The following IGF1R variants were observed in gnomAD, a reference collection of about 807,000 sequenced individuals.
IGF1R encodes the protein insulin like growth factor 1 receptor.
IGF1R carries 44 observed loss-of-function variants against 144.6 expected under a neutral mutation model. The ratio of observed to expected loss-of-function variants is 0.30; its 90% confidence interval spans 0.24 to 0.39. The LOEUF (loss-of-function observed/expected upper bound fraction) is 0.39. Ranked by LOEUF, IGF1R falls within the 10% of genes least tolerant of loss-of-function variation. The pLI, the probability that IGF1R is intolerant of heterozygous loss-of-function variation, is 1.00. For missense variants in IGF1R, 1,355 were observed against 1,833.7 expected (o/e 0.74, Z 4.77); for synonymous variants, 795 against 722.8 (o/e 1.10, Z -1.60).
chr15:98,783,692 T>C (rs373574292), intron 2 of IGF1R, among the ~76,000 whole-genome samples: 129 of 152,330 alleles, frequency 8.5e-4, no homozygotes, highest in African/African-American at 3.0e-3. Flanking sequence ...ATACAACTTA[T>C]TGAACTCACT....
At chr15:98,708,494 ATG>A (rs1166359225) in intron 2 of IGF1R, among the ~76,000 whole-genome samples, 1 of 152,180 alleles carries the variant, frequency 6.6e-6, no homozygotes, top group Admixed American at 6.5e-5. Context: ...GGGGCTGCTT[ATG>A]TGTCAGCTCT....
At chr15:98,863,199 T>TG (rs1567166804) in intron 2 of IGF1R, among the ~76,000 whole-genome samples, 1 of 152,190 alleles carries the variant, frequency 6.6e-6, no homozygotes, top group Non-Finnish European at 1.5e-5. Flanking sequence ...TGATTAAATT[T>TG]GGGGGGTACA....
At chr15:98,868,200 A>C (rs879836397) in intron 2 of IGF1R, among the ~76,000 whole-genome samples, 1 of 151,934 alleles carries the variant, frequency 6.6e-6, no homozygotes, top group Non-Finnish European at 1.5e-5. Context: ...CCAAAAAAAA[A>C]TCAGAGCGTG....
At chr15:98,855,969 G>C (rs2011789485) in intron 2 of IGF1R, among the ~76,000 whole-genome samples, 4 of 152,238 alleles carry the variant, frequency 2.6e-5, no homozygotes, top group Admixed American at 2.6e-4. Context: ...GGCCGTAGAG[G>C]CTGCAACACG....
chr15:98,782,336 A>G (rs981101000), intron 2 of IGF1R, among the ~76,000 whole-genome samples: 1 of 152,186 alleles, frequency 6.6e-6, no homozygotes. Flanking sequence ...ATAGAAATCT[A>G]AATTTGTAAA....
intron 1 of IGF1R, among the ~76,000 whole-genome samples, chr15:98,670,964 T>G (rs187352566): frequency 5.7e-4 from 77 of 135,348 alleles, no homozygotes; most frequent in Non-Finnish European, 1.2e-3. Flanking sequence ...CTTAGGACTT[T>G]GGAATGAGAA....
At chr15:98,795,288 CTT>C (rs904855169) in intron 2 of IGF1R, among the ~76,000 whole-genome samples, 21 of 152,188 alleles carry the variant, frequency 1.4e-4, no homozygotes, top group African/African-American at 4.3e-4. Flanking sequence ...GCCGTCTAGA[CTT>C]AAATTAAATT....
At chr15:98,732,236 C>G (rs2054511386) in intron 2 of IGF1R, among the ~76,000 whole-genome samples, 1 of 152,146 alleles carries the variant, frequency 6.6e-6, no homozygotes, top group African/African-American at 2.4e-5. Flanking sequence ...CAGGGGAAGA[C>G]TTGCCTAGGA....
At chr15:98,721,492 G>A (rs543809454) in intron 2 of IGF1R, among the ~76,000 whole-genome samples, 127 of 152,322 alleles carry the variant, frequency 8.3e-4, no homozygotes, top group African/African-American at 3.0e-3. Context: ...GGTCCTCATA[G>A]TTCTCTTGGG....
At chr15:98,713,986 A>G (rs2054057041) in intron 2 of IGF1R, among the ~76,000 whole-genome samples, 1 of 152,276 alleles carries the variant, frequency 6.6e-6, no homozygotes, top group Admixed American at 6.5e-5. Context: ...TTAAAAGGGC[A>G]TTGACTGGGA....
At chr15:98,929,083 C>G (rs565227523) in intron 13 of IGF1R, among the ~76,000 whole-genome samples, 7 of 151,992 alleles carry the variant, frequency 4.6e-5, no homozygotes, top group Non-Finnish European at 1.0e-4. Flanking sequence ...ATGCTTGCTG[C>G]TGCAAGCATT....
intron 2 of IGF1R, among the ~76,000 whole-genome samples, chr15:98,857,133 G>A (rs1323101358): frequency 1.3e-5 from 2 of 152,142 alleles, no homozygotes; most frequent in East Asian, 3.9e-4. Flanking sequence ...AAACAGTTGT[G>A]TGCAGTTGGA....
intron 2 of IGF1R, among the ~76,000 whole-genome samples, chr15:98,860,953 G>A (rs2012115755): frequency 6.6e-6 from 1 of 152,160 alleles, no homozygotes; most frequent in African/African-American, 2.4e-5. Flanking sequence ...TTGCTGAATA[G>A]TTGAGTTCTG....
intron 13 of IGF1R, among the ~76,000 whole-genome samples, chr15:98,926,415 GA>G (rs1345916300): frequency 8.3e-6 from 1 of 119,890 alleles, no homozygotes; most frequent in Non-Finnish European, 1.9e-5. Context: ...CAGTAATAAT[GA>G]TGTATTCTTA....
chr15:98,845,416 CCCTCCCTCTTCCTCCCCTCCCTCCTCCT>C (rs1190661210), intron 2 of IGF1R, among the ~76,000 whole-genome samples: 13 of 111,280 alleles, frequency 1.2e-4, no homozygotes, highest in Admixed American at 2.6e-4. Context: ...CTCCTCCTCC[CCCTCCCTCTTCCTCCCCTCCCTCCTCCT>C]CCTCCCCTCC....
chr15:98,792,305 A>G (rs2056145029), intron 2 of IGF1R, among the ~76,000 whole-genome samples: 2 of 152,186 alleles, frequency 1.3e-5, no homozygotes. Flanking sequence ...GATGACTAAC[A>G]CCCAAATACA....
At chr15:98,691,487 C>G (rs1368514705) in intron 1 of IGF1R, among the ~76,000 whole-genome samples, 1 of 151,922 alleles carries the variant, frequency 6.6e-6, no homozygotes, top group Non-Finnish European at 1.5e-5. Context: ...CTTCAGCCTC[C>G]CGAGTAGCTG....
chr15:98,926,630 A>G (rs2015732165), intron 13 of IGF1R, among the ~76,000 whole-genome samples: 1 of 152,246 alleles, frequency 6.6e-6, no homozygotes, highest in East Asian at 1.9e-4. Context: ...TCACCTGGTC[A>G]GCACCAGATA....
chr15:98,779,783 T>C (rs549051496), intron 2 of IGF1R, among the ~76,000 whole-genome samples: 2 of 152,246 alleles, frequency 1.3e-5, no homozygotes, highest in South Asian at 4.1e-4. Flanking sequence ...AGCCCTCCAG[T>C]AGAGGGCACA....
Sources: allele counts gnomAD v4.1 joint callset (sites outside exome capture counted in the v4.1 genomes callset), GRCh38; gene constraint gnomAD v4.1.1; transcripts MANE v1.5; gene names NCBI Gene and HGNC (gene_info 2026-07-23, HGNC 2026-07-21).